XPNPEP1: variants seen among roughly 807,000 people sequenced by gnomAD.
XPNPEP1 encodes the protein xaa-Pro aminopeptidase 1.
In XPNPEP1, 39 loss-of-function variants were observed where a neutral mutation model predicts 92.4. That is an observed-to-expected ratio of 0.42 (90% confidence interval 0.33 to 0.55). The LOEUF is 0.55. Ranked by LOEUF, XPNPEP1 falls within the 20% of genes least tolerant of loss-of-function variation. The probability of loss-of-function intolerance (pLI) is 0.08; values close to 1 mark genes in which losing one functional copy is unlikely to be tolerated. For synonymous variants in XPNPEP1, 307 were observed against 299.4 expected, an observed-to-expected ratio of 1.03 and a Z score of -0.26; for missense variants, 654 against 856.1, an observed-to-expected ratio of 0.76 and a Z score of 2.95.
intron 3 of XPNPEP1, among the ~76,000 whole-genome samples, chr10:109,907,406 G>C (rs1379565948): frequency 6.6e-6 from 1 of 152,230 alleles, no homozygotes; most frequent in Non-Finnish European, 1.5e-5. Context: ...ACACAGTGTG[G>C]CAGAGGAGAT....
At chr10:109,915,160 A>C in intron 1 of XPNPEP1, 61 bp from the exon 2 acceptor site, 4 of 1,054,790 alleles carry the variant, frequency 3.8e-6, no homozygotes, top group Non-Finnish European at 5.3e-6. Context: ...GGCAAGGCTC[A>C]GTTAGAGGAG....
In XPNPEP1 at chr10:109,867,423, G is replaced by T. The variant is rs929712989; in HGVS notation, c.1872+1191C>A. Among the ~76,000 whole-genome samples, 1 of 152,258 alleles carries T rather than the reference G, an allele frequency of 6.6e-6. No homozygotes were observed. Among genetic ancestry groups the T allele is most frequent in the Admixed American group, 6.5e-5 (1 of 15,294 alleles). ...TATCAGCAAGGCCCATGTGGGTCCT[G>T]TGAGTGGGAATGTTTAGCTGAACCA... On this transcript the variant is annotated intron_variant, in intron 20 of 20. Coordinates refer to ENST00000502935, the MANE Select transcript of XPNPEP1 (RefSeq NM_020383.4). This position sits in a 1 kb window ranked among gnomAD's most constrained non-coding sequence, Gnocchi z 4.5.
chr10:109,891,937 T>A, intron 4 of XPNPEP1, 111 bp from the exon 5 acceptor site: 1 of 898,772 alleles, frequency 1.1e-6, no homozygotes, highest in Non-Finnish European at 1.7e-6. Flanking sequence ...CAGCTCCTAG[T>A]GGGGCAGATG....
chr10:109,870,612 T>C (rs1280825851), intron 18 of XPNPEP1, 119 bp downstream of exon 18: 12 of 1,338,204 alleles, frequency 9.0e-6, no homozygotes, highest in East Asian at 2.3e-5. Context: ...TCAGAAAAGT[T>C]TGTTGGAAGG....
chr10:109,897,301 C>G (rs968300354), intron 3 of XPNPEP1, among the ~76,000 whole-genome samples: 3 of 151,960 alleles, frequency 2.0e-5, no homozygotes, highest in African/African-American at 7.2e-5. Context: ...TCTCAAAAAT[C>G]TGGTTCAAGT....
chr10:109,918,113 C>CAA (rs973348011), intron 1 of XPNPEP1, among the ~76,000 whole-genome samples: 14 of 136,798 alleles, frequency 1.0e-4, no homozygotes, highest in Non-Finnish European at 1.4e-4. Flanking sequence ...GACCCTGCCT[C>CAA]AAAAAAAAAA....
chr10:109,917,398 ATAGT>A (rs1196344572), intron 1 of XPNPEP1, among the ~76,000 whole-genome samples: 2 of 152,226 alleles, frequency 1.3e-5, no homozygotes, highest in African/African-American at 4.8e-5. Flanking sequence ...AAAACAAAAA[ATAGT>A]TAGAAATAAA....
intron 12 of XPNPEP1, 128 bp from the exon 13 acceptor site, chr10:109,878,186 A>G: frequency 1.0e-6 from 1 of 967,334 alleles, no homozygotes. Flanking sequence ...AATCTACAGG[A>G]CACATCTTTA....
At chr10:109,868,508 TGA>T in intron 20 of XPNPEP1, 104 bp downstream of exon 20, 1 of 1,038,342 alleles carries the variant, frequency 9.6e-7, no homozygotes, top group South Asian at 1.6e-5. Context: ...AATTACAAAG[TGA>T]GACTGGATTA....
intron 5 of XPNPEP1, chr10:109,891,517 G>A (rs1332097015): frequency 2.3e-6 from 1 of 429,928 alleles, no homozygotes; most frequent in Non-Finnish European, 4.1e-6. Context: ...AGTAAAATAA[G>A]TATCCTGAAC....
intron 11 of XPNPEP1, among the ~76,000 whole-genome samples, chr10:109,880,570 G>A (rs1428428787): frequency 6.6e-6 from 1 of 152,112 alleles, no homozygotes; most frequent in African/African-American, 2.4e-5. Flanking sequence ...CCACCTCTGG[G>A]CCCAAAATCT....
chr10:109,868,461 C>A (rs532473873), intron 20 of XPNPEP1, among the ~76,000 whole-genome samples, 153 bp downstream of exon 20: 5 of 152,170 alleles, frequency 3.3e-5, no homozygotes, highest in Non-Finnish European at 5.9e-5. Flanking sequence ...AAACCTAGGG[C>A]TTTCAGACTC....
rs147318675 is a variant in XPNPEP1 at position 109,898,735 on chromosome 10, G to A, written c.247-5660C>T. 7.9e-5 allele frequency among the ~76,000 whole-genome samples: 12 copies of A among 152,346 alleles called. No individual in the cohort carries two copies. In the East Asian group the frequency reaches 2.3e-3, roughly 29 times the overall value. ...AAAGACCTCAAACACCAGACTAAGA[G>A]GCTTGAACTTTATCCTGCAAGTTCT... On this transcript the variant is annotated intron_variant, in intron 3 of 20. Coordinates refer to ENST00000502935, the MANE Select transcript of XPNPEP1 (RefSeq NM_020383.4).
intron 14 of XPNPEP1, 117 bp from the exon 15 acceptor site, chr10:109,875,716 A>G: frequency 1.4e-6 from 1 of 725,354 alleles, no homozygotes; most frequent in East Asian, 2.8e-5. Flanking sequence ...GCCTGAAATT[A>G]TATCAAAATA....
chr10:109,879,840 G>A (rs552486226), intron 12 of XPNPEP1, among the ~76,000 whole-genome samples: 1 of 152,096 alleles, frequency 6.6e-6, no homozygotes, highest in South Asian at 2.1e-4. Flanking sequence ...AGTTCAAAAT[G>A]TACACAAAGA....
rs61881574 is a variant in XPNPEP1 at position 109,913,576 on chromosome 10, T to C, written c.121+1435A>G. Among the ~76,000 whole-genome samples, 673 of 152,372 alleles carry C rather than the reference T, an allele frequency of 4.4e-3. 3 individuals are homozygous for C. The highest frequency in any genetic ancestry group is 8.0e-3 in the Non-Finnish European group (543 of 68,040). ...CAATCCTCCAAGGGAGGTTTCACTATTCTCATTTTACACATAAAGGAACAG... is the reference window on the plus strand; with the variant it reads ...CAATCCTCCAAGGGAGGTTTCACTACTCTCATTTTACACATAAAGGAACAG... On this transcript the variant is annotated intron_variant, in intron 2 of 20. Coordinates refer to ENST00000502935, the MANE Select transcript of XPNPEP1 (RefSeq NM_020383.4).
rs567637506 is a variant in XPNPEP1, at chr10:109,865,219, T to G, written c.1966A>C (p.Ile656Leu). 29 of 1,614,044 alleles carry G rather than the reference T, an allele frequency of 1.8e-5. No individual in the cohort carries two copies. The Admixed American group carries it at 4.7e-4, about 26-fold the overall frequency. The change falls in exon 21 of 21, where the codon ATC (isoleucine) becomes CTC (leucine). Residue 656 changes from isoleucine to leucine, a missense_variant. Coordinates refer to ENST00000502935, the MANE Select transcript of XPNPEP1 (RefSeq NM_020383.4). The stretch of plus-strand genomic sequence containing the variant: ...TTGGAGATGGGTTGCGTCTCTCTGA[T>G]GAGCCACTCGAGAGCTTCCTGGCGG... The part of the protein sequence containing the change: ...QGRQEALEWL[I>L]RETQPISKQH
chr10:109,879,972 C>T (rs2475277), intron 12 of XPNPEP1, among the ~76,000 whole-genome samples: 72,258 of 152,020 alleles, frequency 0.48, 18,568 homozygotes, highest in Non-Finnish European at 0.6. Flanking sequence ...TATTATGGAA[C>T]TTTTCTTCAT....
Position 109,882,522 on chromosome 10 carries a change from C to T in XPNPEP1, c.951G>A (p.Glu317=), listed in dbSNP as rs750550041. The change falls in exon 10 of 21, where the codon GAG becomes GAA. Residue 317 remains glutamate (E), a synonymous_variant. Transcript: ENST00000502935. ...QVHPYKSILS[E]LKALCADLSP... is the part of the protein sequence containing the mutation. ...AGAGGTCAGCACACAGGGCCTTGAGCTCGCTCAGGATGGACTTGTAGGGAT... is the reference window on the plus strand; with the variant it reads ...AGAGGTCAGCACACAGGGCCTTGAGTTCGCTCAGGATGGACTTGTAGGGAT... 3 of 1,614,096 alleles carry T rather than the reference C, an allele frequency of 1.9e-6. No individual in the cohort carries two copies. In the African/African-American group the frequency reaches 4.0e-5, roughly 22 times the overall value.
Sources: gnomAD v4.1 joint callset for allele counts (sites outside exome capture counted in the v4.1 genomes callset) on GRCh38, gnomAD v4.1.1 for gene constraint, Gnocchi (gnomAD v3.1) non-coding constraint, MANE v1.5 for transcripts, NCBI Gene and HGNC (gene_info 2026-07-23, HGNC 2026-07-21) for gene names.